NRG3: variants seen among roughly 807,000 people sequenced by gnomAD.
NRG3 encodes the protein neuregulin 3, also known as pro-neuregulin-3, membrane-bound isoform.
Under a neutral mutation model 66.9 loss-of-function variants are expected in NRG3, and 31 were observed. That is an observed-to-expected ratio of 0.46 (90% CI 0.35 to 0.63). The LOEUF (loss-of-function observed/expected upper bound fraction) is 0.63, where lower values mean the gene tolerates loss of function less well. NRG3 is among the 20% of genes least tolerant of loss of function. The pLI is 0.00. For synonymous variants in NRG3, 393 were observed against 359.4 expected (o/e 1.09, Z -1.06); for missense variants, 910 against 878.9 (o/e 1.04, Z -0.45).
chr10:82,433,757 G>T (rs1169680655), intron 2 of NRG3, among the ~76,000 whole-genome samples: 1 of 152,144 alleles, frequency 6.6e-6, no homozygotes, highest in African/African-American at 2.4e-5. Context: ...TCAGATGGTT[G>T]TAGATGTGTG....
chr10:82,948,505 T>A (rs375040463), intron 4 of NRG3, among the ~76,000 whole-genome samples: 6 of 152,122 alleles, frequency 3.9e-5, no homozygotes, highest in African/African-American at 1.4e-4. Context: ...AGCATTGCAA[T>A]CAATCTGTCT....
intron 4 of NRG3, among the ~76,000 whole-genome samples, chr10:82,906,604 C>A (rs1844756416): frequency 6.6e-6 from 1 of 152,092 alleles, no homozygotes; most frequent in African/African-American, 2.4e-5. Flanking sequence ...TTTAAGACCA[C>A]AAGACATCAT....
chr10:82,938,445 G>A (rs1030348646), intron 4 of NRG3, among the ~76,000 whole-genome samples: 1 of 152,220 alleles, frequency 6.6e-6, no homozygotes, highest in South Asian at 2.1e-4. Flanking sequence ...CACCTGACTC[G>A]AGACAGCTCC....
chr10:82,979,493 A>T (rs1234875067), intron 8 of NRG3, among the ~76,000 whole-genome samples: 2 of 152,226 alleles, frequency 1.3e-5, no homozygotes, highest in Non-Finnish European at 2.9e-5. Flanking sequence ...TCTGATAAGT[A>T]TTGTGAACAA....
intron 1 of NRG3, 23 bp downstream of exon 1, chr10:81,876,186 C>A: frequency 6.5e-7 from 1 of 1,549,172 alleles, no homozygotes; most frequent in Non-Finnish European, 8.7e-7. Context: ...TGTGTCTCAA[C>A]TATGATTTAC....
At chr10:82,801,978 A>G (rs1036963337) in intron 3 of NRG3, among the ~76,000 whole-genome samples, 8 of 152,226 alleles carry the variant, frequency 5.3e-5, no homozygotes, top group Non-Finnish European at 1.2e-4. Flanking sequence ...CATTTTAGGA[A>G]TGAGAGGAAA....
At chr10:82,309,885 T>C (rs2080934809) in intron 1 of NRG3, among the ~76,000 whole-genome samples, 1 of 152,216 alleles carries the variant, frequency 6.6e-6, no homozygotes, top group Non-Finnish European at 1.5e-5. Flanking sequence ...CTTCCTTGAA[T>C]GTTTGTTAGC....
chr10:82,283,575 T>C (rs11193410), intron 1 of NRG3, among the ~76,000 whole-genome samples: 72,387 of 152,040 alleles, frequency 0.48, 20,820 homozygotes, highest in African/African-American at 0.81. Context: ...CAACATTCTA[T>C]AAGAAAACAT....
At chr10:82,062,381 G>A (rs966559428) in intron 1 of NRG3, among the ~76,000 whole-genome samples, 8 of 152,116 alleles carry the variant, frequency 5.3e-5, no homozygotes, top group Non-Finnish European at 1.2e-4. Flanking sequence ...CAAGGCAGGT[G>A]GATCACCTGA....
intron 4 of NRG3, among the ~76,000 whole-genome samples, chr10:82,893,474 G>T (rs1843360249): frequency 6.6e-6 from 1 of 152,196 alleles, no homozygotes. Flanking sequence ...CAGATCACGA[G>T]GTCAGGAGAT....
At chr10:82,536,935 AT>A in intron 2 of NRG3, among the ~76,000 whole-genome samples, 1 of 151,836 alleles carries the variant, frequency 6.6e-6, no homozygotes, top group East Asian at 1.9e-4. Context: ...TTATTAACTT[AT>A]TATTAAAGAT....
At chr10:81,980,354 G>A (rs1564709070) in intron 1 of NRG3, among the ~76,000 whole-genome samples, 1 of 152,028 alleles carries the variant, frequency 6.6e-6, no homozygotes, top group African/African-American at 2.4e-5. Flanking sequence ...GTTAATGAGG[G>A]TATTATTATA....
intron 2 of NRG3, among the ~76,000 whole-genome samples, chr10:82,704,154 G>A (rs188839075): frequency 5.1e-4 from 77 of 152,116 alleles, no homozygotes; most frequent in African/African-American, 1.6e-3. Flanking sequence ...CTGTAAACAT[G>A]TTAGAACCTT....
chr10:82,441,760 G>A (rs1209171475), intron 2 of NRG3, among the ~76,000 whole-genome samples: 1 of 152,140 alleles, frequency 6.6e-6, no homozygotes, highest in Admixed American at 6.5e-5. Flanking sequence ...AAATTCTGAG[G>A]GAAAGGGAAT....
At chr10:82,727,074 G>T (rs545155039) in intron 2 of NRG3, among the ~76,000 whole-genome samples, 17 of 152,164 alleles carry the variant, frequency 1.1e-4, no homozygotes, top group Admixed American at 1.0e-3. Flanking sequence ...GCATTCAAGA[G>T]GTGACTTGGG....
At chr10:82,165,619 A>C (rs1377268575) in intron 1 of NRG3, among the ~76,000 whole-genome samples, 1 of 151,994 alleles carries the variant, frequency 6.6e-6, no homozygotes, top group Non-Finnish European at 1.5e-5. Flanking sequence ...AGAATATTTA[A>C]ATTTTTATCA....
intron 2 of NRG3, among the ~76,000 whole-genome samples, chr10:82,617,085 A>G (rs1281442057): frequency 6.6e-6 from 1 of 152,182 alleles, no homozygotes; most frequent in Admixed American, 6.5e-5. Context: ...TTGCCAATAT[A>G]GTAATGCACA....
Position 82,529,783 on chromosome 10 carries a change from T to C in NRG3, c.953+170915T>C, listed in dbSNP as rs550940931. ...AATCACTTGTTATTTTAGGAAACTG[T>C]GCCTAAGGATGACAAATTAATACAG... On this transcript the variant is annotated intron_variant, in intron 2 of 8. Transcript: ENST00000372141. 1.9e-4 allele frequency among the ~76,000 whole-genome samples: 29 copies of C among 152,280 alleles called. No individual in the cohort carries two copies. In the South Asian group the frequency reaches 5.8e-3, roughly 30 times the overall value.
chr10:82,872,937 G>A (rs542410107), intron 4 of NRG3, among the ~76,000 whole-genome samples: 9 of 152,162 alleles, frequency 5.9e-5, no homozygotes, highest in African/African-American at 1.2e-4. Context: ...ATCAGCTTCC[G>A]AGAGTCACCA....
Sources: gnomAD v4.1 joint callset for allele counts (sites outside exome capture counted in the v4.1 genomes callset) on GRCh38, gnomAD v4.1.1 for gene constraint, MANE v1.5 for transcripts, NCBI Gene and HGNC (gene_info 2026-07-23, HGNC 2026-07-21) for gene names.